RD3: variants seen among roughly 807,000 people sequenced by gnomAD.
The protein encoded by RD3 is protein RD3.
In RD3, 11 loss-of-function variants were observed where a neutral mutation model predicts 16.9. That is an observed-to-expected ratio of 0.65 (90% CI 0.41 to 1.08). RD3 has a LOEUF of 1.08. Ranked by LOEUF, RD3 falls within the 50% of genes least tolerant of loss-of-function variation. RD3 has a pLI of 0.00. For synonymous variants in RD3, 116 were observed against 114.8 expected (o/e 1.01, Z -0.07); for missense variants, 274 against 267.4 (o/e 1.02, Z -0.17).
rs113459834 is a variant in RD3, at chr1:211,481,752, T to C, written c.-11-326A>G. ...CCCAGAGAAAGGGCCTCCTGAATCC[T>C]CACTAACTCCCAACAAAGCTGGAAA... is the stretch of plus-strand genomic sequence containing the variant. On this transcript the variant is annotated intron_variant, in intron 1 of 2. Transcript: ENST00000680073. 7.9e-3 allele frequency among the ~76,000 whole-genome samples: 1,196 copies of C among 152,240 alleles called. 19 individuals carry two copies. The highest frequency in any genetic ancestry group is 0.027 in the African/African-American group (1,138 of 41,528).
At chr1:211,485,969 G>A (rs567981280) in intron 1 of RD3, among the ~76,000 whole-genome samples, 7 of 151,862 alleles carry the variant, frequency 4.6e-5, no homozygotes, top group Admixed American at 2.6e-4. Context: ...GTGAAACTCC[G>A]TCTCTACCAA....
chr1:211,486,644 T>A lies in RD3; in HGVS notation c.-12+5124A>T, dbSNP rs187799900. Among the ~76,000 whole-genome samples, 548 of 151,932 alleles carry A rather than the reference T, an allele frequency of 3.6e-3. 2 individuals carry two copies. The highest frequency in any genetic ancestry group is 0.013 in the African/African-American group (528 of 41,416). ...CAAGTGGATCACCTGAGGTCAGGAG[T>A]TCGAGACCAGCCTGGCCAACATGGT... is the stretch of plus-strand genomic sequence containing the variant. On this transcript the variant is annotated intron_variant, in intron 1 of 2. Transcript: ENST00000680073.
intron 1 of RD3, among the ~76,000 whole-genome samples, chr1:211,485,854 T>C (rs997262332): frequency 6.6e-6 from 1 of 152,214 alleles, no homozygotes; most frequent in African/African-American, 2.4e-5. Flanking sequence ...GATTGAATCC[T>C]TGTTTTAAAA....
At chr1:211,491,197 GC>G (rs762789607) in intron 1 of RD3, among the ~76,000 whole-genome samples, 13 of 152,144 alleles carry the variant, frequency 8.5e-5, no homozygotes, top group Non-Finnish European at 1.8e-4. Flanking sequence ...ATCTGCCTGG[GC>G]CCACTCTCCT....
At chr1:211,488,532 C>CAAAAAA (rs35415066) in intron 1 of RD3, among the ~76,000 whole-genome samples, 1 of 107,756 alleles carries the variant, frequency 9.3e-6, no homozygotes, top group African/African-American at 3.7e-5. Flanking sequence ...AAGACTCTGT[C>CAAAAAA]AAAAAAAAAA....
Position 211,478,968 on chromosome 1 carries a change from C to T in RD3, c.*68G>A. The T allele has an allele frequency of 4.9e-6, 7 of 1,437,806 alleles. No individual in the cohort carries two copies. The South Asian group carries it at 9.7e-5, about 20-fold the overall frequency. The allele number at this position is 1,437,806 out of a possible 1,614,324, so 89.1% of individuals were successfully genotyped here. ...TAGGTGGGGAGGTTCCAGGGCCCGGCGCTCCGGTCACCGGCCTATCATTCC... is the reference window on the plus strand; with the variant it reads ...TAGGTGGGGAGGTTCCAGGGCCCGGTGCTCCGGTCACCGGCCTATCATTCC... On this transcript the variant is annotated 3_prime_UTR_variant, in exon 3 of 3. Transcript: ENST00000680073.
At chr1:211,489,798 G>A (rs1376707289) in intron 1 of RD3, among the ~76,000 whole-genome samples, 2 of 152,086 alleles carry the variant, frequency 1.3e-5, no homozygotes, top group African/African-American at 2.4e-5. Context: ...CGTGTTGGGA[G>A]AGCTGAGCCT....
chr1:211,479,390 G>C (rs1189045609), intron 2 of RD3, 63 bp from the exon 3 acceptor site: 3 of 1,483,628 alleles, frequency 2.0e-6, no homozygotes, highest in South Asian at 2.6e-5. Flanking sequence ...CACCCCGGGC[G>C]TCTAACCCCG....
Position 211,478,948 on chromosome 1 carries a change from G to C in RD3, c.*88C>G. The stretch of plus-strand genomic sequence containing the variant: ...TTGGGTCTCCTCGTCAGGCCTAGGT[G>C]GGGAGGTTCCAGGGCCCGGCGCTCC... On this transcript the variant is annotated 3_prime_UTR_variant, in exon 3 of 3. Transcript: ENST00000680073. The C allele has an allele frequency of 1.2e-5, 16 of 1,297,026 alleles. No individual in the cohort carries two copies. The South Asian group carries it at 2.4e-4, about 19-fold the overall frequency. The allele number at this position is 1,297,026 out of a possible 1,614,324, so 80.3% of individuals were successfully genotyped here.
In RD3 at chr1:211,482,042, G is replaced by C. The variant is rs191861333; in HGVS notation, c.-11-616C>G. ...GATCAAGACAAGCCTGACCAACATGGAGAAACCCTGTCTCTACTAAAAATA... is the reference window on the plus strand; with the variant it reads ...GATCAAGACAAGCCTGACCAACATGCAGAAACCCTGTCTCTACTAAAAATA... On this transcript the variant is annotated intron_variant, in intron 1 of 2. Coordinates refer to ENST00000680073, the MANE Select transcript of RD3 (RefSeq NM_001164688.2). 4.6e-5 allele frequency among the ~76,000 whole-genome samples: 7 copies of C among 152,300 alleles called. No homozygotes were observed. In the East Asian group the frequency reaches 1.2e-3, roughly 25 times the overall value.
intron 1 of RD3, among the ~76,000 whole-genome samples, chr1:211,488,877 C>T (rs1237119716): frequency 6.6e-6 from 1 of 152,204 alleles, no homozygotes; most frequent in Non-Finnish European, 1.5e-5. Context: ...TCACCACCTC[C>T]ACTGCTTTTG....
rs753221814 is a variant in RD3 at position 211,481,101 on chromosome 1, TC to T, written c.296+18del. 3.7e-5 allele frequency: 60 copies of T among 1,613,040 alleles called. No homozygotes were observed. The highest frequency in any genetic ancestry group is 1.6e-4 in the Middle Eastern group (1 of 6,082). On this transcript the variant is annotated intron_variant, in intron 2 of 2. Transcript: ENST00000680073. ...CCTGGAGCCTGCAGCCCAGCAAGGG[TC>T]CCCATCCCAGTGCTCACCTGAGGAT... is the stretch of plus-strand genomic sequence containing the variant.
chr1:211,481,499 A>C (rs1374031509), intron 1 of RD3, 73 bp from the exon 2 acceptor site: 1 of 1,418,190 alleles, frequency 7.1e-7, no homozygotes, highest in Non-Finnish European at 9.7e-7. Flanking sequence ...TGGGAACCCA[A>C]GGGGGAGAGA....
At chr1:211,486,525 G>A (rs1490024494) in intron 1 of RD3, among the ~76,000 whole-genome samples, 1 of 150,934 alleles carries the variant, frequency 6.6e-6, no homozygotes, top group Non-Finnish European at 1.5e-5. Context: ...GGATAACTGA[G>A]GAAATCTGAA....
At chr1:211,482,088 GGT>G (rs1436572307) in intron 1 of RD3, among the ~76,000 whole-genome samples, 1 of 152,014 alleles carries the variant, frequency 6.6e-6, no homozygotes, top group Non-Finnish European at 1.5e-5. Context: ...CAGATGTGGT[GGT>G]GCATGCCTGT....
chr1:211,491,726 G>A (rs1241032245), intron 1 of RD3, 42 bp downstream of exon 1: 2 of 152,414 alleles, frequency 1.3e-5, no homozygotes, highest in Admixed American at 1.3e-4. Flanking sequence ...GCCAGGGTGC[G>A]GGTGGGGAAG....
rs572479902 is a variant in RD3 at position 211,483,029 on chromosome 1, A to T, written c.-11-1603T>A. Among the ~76,000 whole-genome samples the T allele has an allele frequency of 3.9e-5, 6 of 152,088 alleles. No individual in the cohort carries two copies. The East Asian group carries it at 9.6e-4, about 24-fold the overall frequency. The stretch of plus-strand genomic sequence containing the variant: ...CCCAGTGCTTAATGCAGAGAAATGA[A>T]TTGTTAAGGTAAATAATCAGACACA... On this transcript the variant is annotated intron_variant, in intron 1 of 2. Transcript: ENST00000680073.
intron 1 of RD3, among the ~76,000 whole-genome samples, chr1:211,488,667 T>C (rs1572146221): frequency 6.6e-6 from 1 of 152,150 alleles, no homozygotes; most frequent in East Asian, 1.9e-4. Context: ...GGCTGGGCCC[T>C]GCTTGTTAAG....
Position 211,479,154 on chromosome 1 carries a change from G to T in RD3, c.470C>A (p.Ala157Glu). 6.2e-7 allele frequency: 1 copy of T among 1,612,862 alleles called. No individual in the cohort carries two copies. The highest frequency in any genetic ancestry group is 8.5e-7 in the Non-Finnish European group (1 of 1,179,656). ...RGSLATFKTR[A>E]RISPFASDIR... The stretch of plus-strand genomic sequence containing the variant: ...GTCGCTGGCGAAGGGCGAGATGCGC[G>T]CGCGGGTCTTGAAGGTGGCCAGGCT... The change falls in exon 3 of 3, where the codon GCG becomes GAG. Residue 157 changes from alanine to glutamate, a missense_variant. Ala to Glu is a moderately radical substitution (Grantham distance 107). Coordinates refer to ENST00000680073, the MANE Select transcript of RD3 (RefSeq NM_001164688.2).
Sources: allele counts gnomAD v4.1 joint callset (sites outside exome capture counted in the v4.1 genomes callset), GRCh38; gene constraint gnomAD v4.1.1; transcripts MANE v1.5; gene names NCBI Gene and HGNC (gene_info 2026-07-23, HGNC 2026-07-21).